RANBP2: variants seen among roughly 807,000 people sequenced by gnomAD.
RANBP2 encodes the protein RAN binding protein 2, also known as E3 SUMO-protein ligase RanBP2.
A neutral mutation model predicts 303.6 loss-of-function variants in RANBP2; 57 were observed. The observed-to-expected ratio is 0.19, with a 90% CI of 0.15 to 0.23. The LOEUF is 0.23. RANBP2 is among the 10% of genes least tolerant of loss of function. RANBP2 has a pLI of 1.00. For synonymous variants in RANBP2, 1,167 were observed against 1,301.5 expected, an observed-to-expected ratio of 0.90 and a Z score of 2.23; for missense variants, 3,138 against 3,780.8, an observed-to-expected ratio of 0.83 and a Z score of 4.46.
chr2:108,864,278 TTTTA>T, the RANBP2 span, among the ~76,000 whole-genome samples: 983 of 152,336 alleles, frequency 6.5e-3, 11 homozygotes, highest in African/African-American at 0.021. Flanking sequence ...AACACGCTAT[TTTTA>T]TTTATTTATT....
At chr2:109,546,085 T>G in the RANBP2 span, 21 of 1,603,260 alleles carry the variant, frequency 1.3e-5, no homozygotes, top group Non-Finnish European at 1.8e-5. Flanking sequence ...GGTTGCTGCC[T>G]GTTGCCAGAA....
chr2:109,569,359 A>T, the RANBP2 span, among the ~76,000 whole-genome samples: 4 of 151,180 alleles, frequency 2.6e-5, no homozygotes, highest in Non-Finnish European at 1.5e-5. Flanking sequence ...TGAACCCAGG[A>T]GGCAGAGGTT....
At chr2:109,296,809 C>T in the RANBP2 span, among the ~76,000 whole-genome samples, 3 of 152,172 alleles carry the variant, frequency 2.0e-5, no homozygotes, top group African/African-American at 7.2e-5. Context: ...GGACACTGAC[C>T]ACACTAGCAG....
At chr2:109,569,098 T>A in the RANBP2 span, among the ~76,000 whole-genome samples, 3 of 152,140 alleles carry the variant, frequency 2.0e-5, no homozygotes, top group African/African-American at 4.8e-5. Flanking sequence ...GTCATATGTA[T>A]CAAGACAGTA....
the RANBP2 span, among the ~76,000 whole-genome samples, chr2:109,378,918 G>A: frequency 6.6e-6 from 1 of 152,146 alleles, no homozygotes; most frequent in Non-Finnish European, 1.5e-5. Context: ...GACTCCAGGG[G>A]ACTTTCTGCA....
At chr2:108,788,427 G>GA (rs553782478), downstream of RANBP2, among the ~76,000 whole-genome samples, 43 of 115,384 alleles carry the variant, frequency 3.7e-4, no homozygotes, top group South Asian at 0.012. Context: ...TCTCAAAAAA[G>GA]AAAAAAATAG....
At chr2:109,408,474 G>A in the RANBP2 span, among the ~76,000 whole-genome samples, 278 of 152,324 alleles carry the variant, frequency 1.8e-3, 4 homozygotes, top group African/African-American at 6.4e-3. Flanking sequence ...GCATTATCTG[G>A]ATGCAGTGTG....
chr2:108,764,610 T>C lies in RANBP2; in HGVS notation c.4071T>C (p.His1357=), dbSNP rs140077842. 1.9e-6 allele frequency: 3 copies of C among 1,614,062 alleles called. No individual in the cohort carries two copies. Among genetic ancestry groups the C allele is most frequent in the East Asian group, 4.5e-5 (2 of 44,878 alleles). Residue 1357 remains histidine, a synonymous_variant, in exon 20 of 29, where the codon CAT becomes CAC. Transcript: ENST00000283195. ...QVAKKEGSWW[H]CNSCSLKNAS... ...CAAAGAAAGAAGGGTCTTGGTGGCATTGTAACAGCTGCTCATTAAAGAATG... is the reference window on the plus strand; with the variant it reads ...CAAAGAAAGAAGGGTCTTGGTGGCACTGTAACAGCTGCTCATTAAAGAATG...
the RANBP2 span, among the ~76,000 whole-genome samples, chr2:109,737,798 C>A: frequency 6.6e-6 from 1 of 151,892 alleles, no homozygotes; most frequent in African/African-American, 2.4e-5. Context: ...AGTCTCATTG[C>A]AGTTTAGATT....
At chr2:109,505,516 A>G in the RANBP2 span, among the ~76,000 whole-genome samples, 1 of 152,064 alleles carries the variant, frequency 6.6e-6, no homozygotes, top group Admixed American at 6.6e-5. Context: ...CAAATAAAAT[A>G]ATTTTTTTTA....
the RANBP2 span, among the ~76,000 whole-genome samples, chr2:108,954,733 T>C: frequency 2.0e-5 from 3 of 151,848 alleles, no homozygotes; most frequent in African/African-American, 7.3e-5. Flanking sequence ...TGGAGTGCAA[T>C]GGCGTGATCT....
At chr2:109,728,343 C>T in the RANBP2 span, among the ~76,000 whole-genome samples, 1 of 152,116 alleles carries the variant, frequency 6.6e-6, no homozygotes, top group Non-Finnish European at 1.5e-5. Context: ...AATAGATGAT[C>T]GTTGTCATTC....
chr2:108,991,870 G>C, the RANBP2 span, among the ~76,000 whole-genome samples: 1 of 152,186 alleles, frequency 6.6e-6, no homozygotes, highest in Non-Finnish European at 1.5e-5. Flanking sequence ...GCAGTAGCGT[G>C]ATCTTGGCCC....
the RANBP2 span, among the ~76,000 whole-genome samples, chr2:109,522,192 G>A: frequency 2.0e-5 from 3 of 151,938 alleles, no homozygotes; most frequent in South Asian, 2.1e-4. Flanking sequence ...TTGTTTCTCC[G>A]GTGATCTGTG....
At chr2:109,554,672 CT>C in the RANBP2 span, among the ~76,000 whole-genome samples, 1 of 152,138 alleles carries the variant, frequency 6.6e-6, no homozygotes, top group Non-Finnish European at 1.5e-5. Context: ...AATTTTTTTT[CT>C]TATCAATGTT....
the RANBP2 span, among the ~76,000 whole-genome samples, chr2:109,121,075 T>C: frequency 6.6e-6 from 1 of 151,978 alleles, no homozygotes; most frequent in East Asian, 1.9e-4. Context: ...TGAAACCCCG[T>C]CTCTACTAAA....
the RANBP2 span, among the ~76,000 whole-genome samples, chr2:108,949,120 G>T: frequency 6.6e-6 from 1 of 152,090 alleles, no homozygotes; most frequent in African/African-American, 2.4e-5. Flanking sequence ...TGGATCTACA[G>T]GCTTGAAACA....
chr2:109,547,256 T>C, the RANBP2 span, among the ~76,000 whole-genome samples: 1 of 152,170 alleles, frequency 6.6e-6, no homozygotes, highest in African/African-American at 2.4e-5. Flanking sequence ...TCTGTAAAAA[T>C]TAACTGTTCT....
the RANBP2 span, among the ~76,000 whole-genome samples, chr2:109,720,898 C>G: frequency 6.6e-6 from 1 of 152,204 alleles, no homozygotes; most frequent in Non-Finnish European, 1.5e-5. Flanking sequence ...GAAGGCGGCC[C>G]TTCTAGCACA....
Sources: gnomAD v4.1 joint callset for allele counts (sites outside exome capture counted in the v4.1 genomes callset) on GRCh38, gnomAD v4.1.1 for gene constraint, MANE v1.5 for transcripts, NCBI Gene and HGNC (gene_info 2026-07-23, HGNC 2026-07-21) for gene names.